CA13: variants seen among roughly 807,000 people sequenced by gnomAD.
CA13 encodes carbonic anhydrase 13, also known as CA-XIII.
CA13 carries 21 observed loss-of-function variants against 31.5 expected under a neutral mutation model. That is an observed-to-expected ratio of 0.67 (90% CI 0.47 to 0.96). The LOEUF is 0.96. Among genes scored for constraint, CA13 ranks in the 40% least tolerant of loss-of-function variants. CA13 has a pLI of 0.00. For synonymous variants in CA13, 117 were observed against 111.4 expected (o/e 1.05, Z -0.32); for missense variants, 315 against 318.9 (o/e 0.99, Z 0.09).
In CA13 at chr8:85,268,577, A is replaced by G. The variant is rs775499030; in HGVS notation, c.619A>G (p.Ser207Gly). ...GSLTVPPLLE[S>G]VTWIVLKQPI... The stretch of plus-strand genomic sequence containing the variant: ...TCTTACAGTTCCACCTCTTCTTGAG[A>G]GTGTCACATGGATTGTTTTAAAGCA... The change falls in exon 6 of 7, where the codon AGT becomes GGT. Residue 207 changes from serine to glycine, a missense_variant. By Grantham distance (56) the Ser-to-Gly change is moderately conservative. Coordinates refer to ENST00000321764, the MANE Select transcript of CA13 (RefSeq NM_198584.3). 11 of 1,613,746 alleles carry G rather than the reference A, an allele frequency of 6.8e-6. No homozygotes were observed. The highest frequency in any genetic ancestry group is 7.6e-6 in the Non-Finnish European group (9 of 1,179,860).
rs773358909 is a variant in CA13, at chr8:85,250,797, T to C, written c.95T>C (p.Ile32Thr). 6.7e-5 allele frequency: 108 copies of C among 1,613,770 alleles called. No individual in the cohort carries two copies. Among genetic ancestry groups the C allele is most frequent in the Non-Finnish European group, 8.0e-5 (94 of 1,179,834 alleles). ...GCTGATGGTGATCAGCAATCTCCAATTGAGATTAAAACCAAAGAAGTGAAA... is the reference window on the plus strand; with the variant it reads ...GCTGATGGTGATCAGCAATCTCCAACTGAGATTAAAACCAAAGAAGTGAAA... ...PIADGDQQSP[I>T]EIKTKEVKYD... The change falls in exon 2 of 7, where the codon ATT becomes ACT. Residue 32 changes from isoleucine (I) to threonine (T), a missense_variant. Transcript: ENST00000321764.
intron 1 of CA13, among the ~76,000 whole-genome samples, chr8:85,247,720 G>A (rs1434071972): frequency 1.3e-5 from 2 of 152,030 alleles, no homozygotes; most frequent in African/African-American, 2.4e-5. Context: ...ATAGGCATGA[G>A]CCACCATGCC....
chr8:85,269,481 G>A (rs190521029), intron 6 of CA13, among the ~76,000 whole-genome samples: 489 of 152,144 alleles, frequency 3.2e-3, no homozygotes, highest in South Asian at 6.4e-3. Flanking sequence ...TCATTTAAGT[G>A]TTCTTACTAT....
intron 6 of CA13, among the ~76,000 whole-genome samples, chr8:85,271,076 C>G (rs1466228288): frequency 6.6e-6 from 1 of 152,048 alleles, no homozygotes; most frequent in Non-Finnish European, 1.5e-5. Context: ...ATTTGAGTAA[C>G]AATTCAATTT....
At chr8:85,278,057 T>A (rs959864008) in intron 6 of CA13, among the ~76,000 whole-genome samples, 1 of 151,552 alleles carries the variant, frequency 6.6e-6, no homozygotes, top group Non-Finnish European at 1.5e-5. Context: ...GGCCAGGAGT[T>A]CAAGACCAGT....
In CA13 at chr8:85,267,972, G is replaced by A. The variant is rs749235237; in HGVS notation, c.513+8G>A. The A allele has an allele frequency of 1.3e-6, 2 of 1,506,656 alleles. No individual in the cohort carries two copies. The highest frequency in any genetic ancestry group is 1.2e-5 in the South Asian group (1 of 86,260). 93.3% of individuals were successfully genotyped at this position (1,506,656 alleles called of 1,614,324 possible). On this transcript the variant is annotated splice_region_variant and intron_variant, in intron 5 of 6. Coordinates refer to ENST00000321764, the MANE Select transcript of CA13 (RefSeq NM_198584.3). The stretch of plus-strand genomic sequence containing the variant: ...GATTCCATTAAAGAAAAGGTAAAAT[G>A]AATTACTGTTAATAATTAACATATT...
chr8:85,273,710 C>T (rs1313456103), intron 6 of CA13, among the ~76,000 whole-genome samples: 1 of 151,864 alleles, frequency 6.6e-6, no homozygotes, highest in African/African-American at 2.4e-5. Flanking sequence ...GACTGTAAAA[C>T]CCCTGCCCCA....
In CA13 at chr8:85,281,365, A is replaced by G. The variant is rs1807703986; in HGVS notation, c.*16A>G. On this transcript the variant is annotated 3_prime_UTR_variant, in exon 7 of 7. Transcript: ENST00000321764. ...TTTCCATTAAAAATTGTCACCAATG[A>G]ACTCCCCCAAACATGGCTGTGGAGA... 1 of 1,613,214 alleles carries G rather than the reference A, an allele frequency of 6.2e-7. No homozygotes were observed. Among genetic ancestry groups the G allele is most frequent in the East Asian group, 2.2e-5 (1 of 44,844 alleles).
intron 6 of CA13, among the ~76,000 whole-genome samples, chr8:85,271,166 G>GA (rs1356498769): frequency 6.6e-5 from 10 of 152,248 alleles, no homozygotes; most frequent in African/African-American, 2.2e-4. Context: ...GTCTAACCAT[G>GA]AAAAAATATC....
At chr8:85,262,220 A>G (rs1485592898) in intron 3 of CA13, among the ~76,000 whole-genome samples, 1 of 82,102 alleles carries the variant, frequency 1.2e-5, no homozygotes, top group Admixed American at 1.4e-4. Context: ...GTAAGAATTC[A>G]TTGAGAATCA....
intron 3 of CA13, among the ~76,000 whole-genome samples, chr8:85,264,559 G>A (rs181944861): frequency 1.8e-4 from 28 of 152,176 alleles, no homozygotes; most frequent in African/African-American, 6.5e-4. Context: ...TATTTTCTTG[G>A]CCTAGTTTCC....
In CA13 at chr8:85,266,754, G is replaced by A. The variant is rs759184135; in HGVS notation, c.450+51G>A. The A allele has an allele frequency of 4.3e-6, 6 of 1,396,450 alleles. 1 individual carries two copies. The South Asian group carries it at 7.1e-5, about 17-fold the overall frequency. 86.5% of individuals were successfully genotyped at this position (1,396,450 alleles called of 1,614,324 possible). On this transcript the variant is annotated intron_variant, in intron 4 of 6. Transcript: ENST00000321764. ...AATGATCAGCCTTGTTGAAGAAAGA[G>A]CTTCAGTCACGAAGTAGACATTCAA...
chr8:85,269,608 T>C (rs534922500), intron 6 of CA13, among the ~76,000 whole-genome samples: 2 of 152,230 alleles, frequency 1.3e-5, no homozygotes, highest in Non-Finnish European at 2.9e-5. Flanking sequence ...AGGGGCTTAA[T>C]GCTTAAGCAT....
At chr8:85,273,538 C>T (rs1368241606) in intron 6 of CA13, among the ~76,000 whole-genome samples, 1 of 152,086 alleles carries the variant, frequency 6.6e-6, no homozygotes, top group Non-Finnish European at 1.5e-5. Context: ...AGGCCCAGTC[C>T]CAAGGCGCAA....
chr8:85,272,539 G>T (rs1211909804), intron 6 of CA13, among the ~76,000 whole-genome samples: 1 of 152,060 alleles, frequency 6.6e-6, no homozygotes, highest in Non-Finnish European at 1.5e-5. Flanking sequence ...TACAGGTAGT[G>T]ACCCATGGTA....
Position 85,282,678 on chromosome 8 carries a change from G to A in CA13, c.*1329G>A, listed in dbSNP as rs991258367. Reference sequence around the variant, plus strand: ...TCCTTCAGTCTCTTAATTTTGTCAGGTGGAGCTTGATCTTAATTTTAACCT... The same window carrying A: ...TCCTTCAGTCTCTTAATTTTGTCAGATGGAGCTTGATCTTAATTTTAACCT... On this transcript the variant is annotated 3_prime_UTR_variant, in exon 7 of 7. Transcript: ENST00000321764. The A allele has an allele frequency of 1.3e-5, 2 of 152,140 alleles. No individual in the cohort carries two copies. The highest frequency in any genetic ancestry group is 4.8e-5 in the African/African-American group (2 of 41,434). The allele number at this position is 152,140 out of a possible 1,614,324, so 9.4% of individuals were successfully genotyped here.
intron 6 of CA13, among the ~76,000 whole-genome samples, chr8:85,272,198 A>G (rs906310253): frequency 6.6e-6 from 1 of 152,148 alleles, no homozygotes; most frequent in South Asian, 2.1e-4. Flanking sequence ...TGAGTCATAC[A>G]GTAGATTTTT....
chr8:85,250,905 A>G lies in CA13; in HGVS notation c.203A>G (p.Asn68Ser), dbSNP rs4740046. The change falls in exon 2 of 7, where the codon AAT becomes AGT. Residue 68 changes from asparagine to serine, a missense_variant. Asn to Ser is a conservative substitution (Grantham distance 46). Coordinates refer to ENST00000321764, the MANE Select transcript of CA13 (RefSeq NM_198584.3). ...ATCAGCAACAGCGGCCATTCCTTCA[A>G]TGTTGACTTTGATGACACAGAGAAC... ...KIISNSGHSF[N>S]VDFDDTENKS... 30 of 1,613,908 alleles carry G rather than the reference A, an allele frequency of 1.9e-5. No individual in the cohort carries two copies. The highest frequency in any genetic ancestry group is 1.6e-4 in the Middle Eastern group (1 of 6,062).
chr8:85,259,837 T>G (rs1351486431), intron 3 of CA13, among the ~76,000 whole-genome samples: 1 of 152,192 alleles, frequency 6.6e-6, no homozygotes, highest in East Asian at 1.9e-4. Flanking sequence ...GAGACAGGTT[T>G]AAATCTAGAT....
Sources: gnomAD v4.1 joint callset for allele counts (sites outside exome capture counted in the v4.1 genomes callset) on GRCh38, gnomAD v4.1.1 for gene constraint, MANE v1.5 for transcripts, NCBI Gene and HGNC (gene_info 2026-07-23, HGNC 2026-07-21) for gene names.